The following NADK variants were observed in gnomAD, a reference collection of about 807,000 sequenced individuals.
NADK encodes NAD kinase.
A neutral mutation model predicts 49.8 loss-of-function variants in NADK; 22 were observed. That is an observed-to-expected ratio of 0.44 (90% confidence interval 0.32 to 0.63). The LOEUF (loss-of-function observed/expected upper bound fraction) is 0.63, where lower values mean the gene tolerates loss of function less well. Ranked by LOEUF, NADK falls within the 30% of genes least tolerant of loss-of-function variation. The pLI is 0.06. For synonymous variants in NADK, 268 were observed against 253.7 expected (o/e 1.06, Z -0.54); for missense variants, 438 against 609.4 (o/e 0.72, Z 2.96).
intron 1 of NADK, among the ~76,000 whole-genome samples, chr1:1,769,702 T>C (rs1469975695): frequency 6.7e-6 from 1 of 149,150 alleles, no homozygotes; most frequent in Middle Eastern, 3.5e-3. Context: ...CACTCTAACC[T>C]GGGCGACAGA....
intron 1 of NADK, among the ~76,000 whole-genome samples, chr1:1,776,841 T>C (rs1646227005): frequency 6.8e-6 from 1 of 147,816 alleles, no homozygotes; most frequent in Non-Finnish European, 1.5e-5. Flanking sequence ...CTTTGGGAAG[T>C]GGAGGCAGGA....
At chr1:1,756,764 A>G (rs1645537284) in intron 4 of NADK, 156 bp from the exon 5 acceptor site, 4 of 1,244,296 alleles carry the variant, frequency 3.2e-6, no homozygotes, top group Non-Finnish European at 4.7e-6. Flanking sequence ...CCAACGCGCC[A>G]GGAGGAAGCA....
chr1:1,768,341 C>A (rs1466384679), intron 1 of NADK, among the ~76,000 whole-genome samples: 2 of 152,072 alleles, frequency 1.3e-5, no homozygotes, highest in African/African-American at 4.8e-5. Flanking sequence ...AGTTCAGGAA[C>A]AGCCTGGGCA....
rs151299634 is a variant in NADK at position 1,754,873 on chromosome 1, A to T, written c.689-175T>A. ...GTCTCACTCTGTCACCCAGGCTGGA[A>T]TGCAGTGGTGTGATCTTGGCTCACT... On this transcript the variant is annotated intron_variant, in intron 7 of 11. Transcript: ENST00000341426. The surrounding 1 kb of genome is among the most constrained non-coding windows in gnomAD (Gnocchi z 4.3). 5 of 619,596 alleles carry T rather than the reference A, an allele frequency of 8.1e-6. No individual in the cohort carries two copies. The South Asian group carries it at 1.1e-4, about 13-fold the overall frequency. The allele number at this position is 619,596 out of a possible 1,614,324, so 38.4% of individuals were successfully genotyped here. A position where few individuals can be genotyped will look rare whatever the true frequency, so the allele number is the denominator to read the frequency against.
intron 3 of NADK, chr1:1,759,591 G>A: frequency 2.0e-6 from 2 of 1,018,966 alleles, no homozygotes; most frequent in Admixed American, 2.7e-5. Flanking sequence ...CGGAAGTTCA[G>A]ATGCATGGGA....
In NADK at chr1:1,765,270, C is replaced by T; in HGVS notation, c.137G>A (p.Ser46Asn). ...CCCCAGGGCGGGCGAGGCAGACAGG[C>T]TGCGAGACTTGGCCCGGCCCCGGAT... Reference protein sequence around the residue: ...HPIRGRAKSRSLSASPALGST... With the variant: ...HPIRGRAKSRNLSASPALGST... Residue 46 changes from serine to asparagine, a missense_variant, in exon 2 of 12, where the codon AGC becomes AAC. Transcript: ENST00000341426. The T allele has an allele frequency of 1.2e-6, 2 of 1,613,146 alleles. No individual in the cohort carries two copies. Among genetic ancestry groups the T allele is most frequent in the Non-Finnish European group, 1.7e-6 (2 of 1,179,558 alleles).
At chr1:1,755,221 G>C (rs1291322019) in intron 7 of NADK, among the ~76,000 whole-genome samples, 153 bp downstream of exon 7, 2 of 152,178 alleles carry the variant, frequency 1.3e-5, no homozygotes, top group African/African-American at 4.8e-5. Context: ...GTCAGTAAAA[G>C]GTTTGAACCA....
chr1:1,754,780 G>A lies in NADK; in HGVS notation c.689-82C>T, dbSNP rs952268668. 7.5e-7 allele frequency: 1 copy of A among 1,327,248 alleles called. No individual in the cohort carries two copies. Among genetic ancestry groups the A allele is most frequent in the Non-Finnish European group, 1.0e-6 (1 of 971,260 alleles). The allele number at this position is 1,327,248 out of a possible 1,614,324, so 82.2% of individuals were successfully genotyped here. ...CCCCACCCCAGGGAGGCCAGTGGGA[G>A]TCAGAGGGCTCTTTCTTCTCCCAAG... On this transcript the variant is annotated intron_variant, in intron 7 of 11. Transcript: ENST00000341426. This position sits in a 1 kb window ranked among gnomAD's most constrained non-coding sequence, Gnocchi z 4.3.
intron 2 of NADK, among the ~76,000 whole-genome samples, 177 bp downstream of exon 2, chr1:1,765,051 G>A (rs968188327): frequency 2.6e-5 from 4 of 152,266 alleles, no homozygotes; most frequent in Non-Finnish European, 5.9e-5. Context: ...CGCCAGGCAG[G>A]TGTCCATGGG....
At chr1:1,779,925 C>A (rs1434727522), upstream of NADK, 1 of 152,280 alleles carries the variant, frequency 6.6e-6, no homozygotes, top group Non-Finnish European at 1.5e-5. Context: ...GTCAGGACTC[C>A]TGGGACTTGA....
chr1:1,772,563 A>G (rs1416042993), intron 1 of NADK, among the ~76,000 whole-genome samples: 1 of 151,866 alleles, frequency 6.6e-6, no homozygotes, highest in Non-Finnish European at 1.5e-5. Context: ...GCTTGAGTCC[A>G]GGAGTTCAAG....
upstream of NADK, chr1:1,780,311 G>A (rs1646329279): frequency 6.6e-6 from 1 of 152,244 alleles, no homozygotes; most frequent in South Asian, 2.1e-4. Context: ...CCAGGCCTCA[G>A]TAGAATCTTC....
At chr1:1,760,034 G>T in intron 3 of NADK, 1 of 971,160 alleles carries the variant, frequency 1.0e-6, no homozygotes, top group Non-Finnish European at 1.5e-6. Flanking sequence ...GGAGCACTCT[G>T]GGTCACCCAC....
At chr1:1,753,356 C>G (rs925984121) in intron 11 of NADK, among the ~76,000 whole-genome samples, 1 of 152,188 alleles carries the variant, frequency 6.6e-6, no homozygotes. Flanking sequence ...CCTCAGGCCT[C>G]TGCTGGGGCC....
intron 3 of NADK, chr1:1,759,229 C>A (rs1246407461): frequency 6.4e-7 from 1 of 1,574,282 alleles, no homozygotes; most frequent in Non-Finnish European, 8.6e-7. Flanking sequence ...GCGCCTCGAC[C>A]TCTTCCTGGG....
At chr1:1,772,544 G>C (rs1053622573) in intron 1 of NADK, among the ~76,000 whole-genome samples, 1 of 151,998 alleles carries the variant, frequency 6.6e-6, no homozygotes. Context: ...AGGCCGAGGC[G>C]GGAGGATCGC....
At chr1:1,759,285 T>G in intron 3 of NADK, 1 of 1,519,146 alleles carries the variant, frequency 6.6e-7, no homozygotes, top group Non-Finnish European at 8.8e-7. Context: ...CGCACGGCTG[T>G]GGGTACTGCA....
chr1:1,772,433 G>A (rs1646080072), intron 1 of NADK, among the ~76,000 whole-genome samples: 1 of 152,102 alleles, frequency 6.6e-6, no homozygotes, highest in Non-Finnish European at 1.5e-5. Context: ...TAATGTGCTT[G>A]GATTACAGGC....
At chr1:1,772,121 A>G (rs1646071040) in intron 1 of NADK, among the ~76,000 whole-genome samples, 1 of 150,780 alleles carries the variant, frequency 6.6e-6, no homozygotes, top group South Asian at 2.1e-4. Context: ...AAAAAGTCTT[A>G]GTGGTGTTTA....
Sources: allele counts gnomAD v4.1 joint callset (sites outside exome capture counted in the v4.1 genomes callset), GRCh38; gene constraint gnomAD v4.1.1; non-coding constraint Gnocchi (gnomAD v3.1); transcripts MANE v1.5; gene names NCBI Gene and HGNC (gene_info 2026-07-23, HGNC 2026-07-21).